Variants in PDZD2 observed in about 807,000 individuals in gnomAD.
PDZD2 encodes the protein PDZ domain-containing protein 2.
Under a neutral mutation model 220.7 loss-of-function variants are expected in PDZD2, and 90 were observed. That is an observed-to-expected ratio of 0.41 (90% confidence interval 0.34 to 0.49). The LOEUF is 0.49. Among genes scored for constraint, PDZD2 ranks in the 20% least tolerant of loss-of-function variants. The pLI, the probability that PDZD2 is intolerant of heterozygous loss-of-function variation, is 0.28. For missense variants in PDZD2, 3,174 were observed against 3,608.5 expected (o/e 0.88, Z 3.08); for synonymous variants, 1,375 against 1,450.5 (o/e 0.95, Z 1.18).
rs1054590522 is a variant in PDZD2, at chr5:31,943,630, G to T, written c.477-39525G>T. 3.9e-5 allele frequency among the ~76,000 whole-genome samples: 6 copies of T among 152,300 alleles called. No individual in the cohort carries two copies. The South Asian group carries it at 1.0e-3, about 26-fold the overall frequency. On this transcript the variant is annotated intron_variant, in intron 2 of 24. Transcript: ENST00000438447. The stretch of plus-strand genomic sequence containing the variant: ...ATTAAACACTTGCGTGCTTAGCTAC[G>T]TAGAAGCCACAAGACACAAAGAAGC...
intron 7 of PDZD2, among the ~76,000 whole-genome samples, chr5:32,038,945 T>C (rs1755780489): frequency 6.6e-6 from 1 of 152,268 alleles, no homozygotes; most frequent in African/African-American, 2.4e-5. Context: ...TAGCACAATG[T>C]GTAGTACGTT....
chr5:31,822,751 C>T, intron 2 of PDZD2: 1 of 1,134,790 alleles, frequency 8.8e-7, no homozygotes, highest in Non-Finnish European at 1.3e-6. Context: ...AACACCTGGC[C>T]TCATCCAAAT....
chr5:31,911,844 G>A (rs1383678849), intron 2 of PDZD2, among the ~76,000 whole-genome samples: 1 of 152,166 alleles, frequency 6.6e-6, no homozygotes, highest in Non-Finnish European at 1.5e-5. Context: ...CAGAAGGCCT[G>A]GATCACAATG....
chr5:31,741,762 C>G (rs1293769841), intron 1 of PDZD2: 3 of 152,254 alleles, frequency 2.0e-5, no homozygotes, highest in Non-Finnish European at 2.9e-5. Flanking sequence ...CTCCCCAACC[C>G]CCCCGTGCAT....
At chr5:32,018,539 T>C (rs758783916) in intron 6 of PDZD2, among the ~76,000 whole-genome samples, 1 of 152,228 alleles carries the variant, frequency 6.6e-6, no homozygotes, top group Non-Finnish European at 1.5e-5. Context: ...ATTGTTCTCA[T>C]TGCCTTCCCA....
chr5:32,042,976 C>G (rs1737567550), intron 7 of PDZD2, among the ~76,000 whole-genome samples: 1 of 152,182 alleles, frequency 6.6e-6, no homozygotes, highest in Non-Finnish European at 1.5e-5. Context: ...CAGAGAAGTT[C>G]AGAGAATCCC....
chr5:31,788,432 A>G (rs1412143804), intron 1 of PDZD2, among the ~76,000 whole-genome samples: 2 of 152,128 alleles, frequency 1.3e-5, no homozygotes, highest in African/African-American at 4.8e-5. Context: ...TTGGGAGGCC[A>G]AGGCGGGCGG....
chr5:32,082,009 C>T (rs531589171), intron 19 of PDZD2, among the ~76,000 whole-genome samples: 11 of 149,610 alleles, frequency 7.4e-5, no homozygotes, highest in East Asian at 2.0e-4. Context: ...TGAGCCACCG[C>T]GCCTGGCATA....
At chr5:31,691,315 G>T (rs891374623) in intron 1 of PDZD2, among the ~76,000 whole-genome samples, 1 of 152,052 alleles carries the variant, frequency 6.6e-6, no homozygotes, top group East Asian at 1.9e-4. Context: ...AGACCTTCGC[G>T]GTGAGTGTTA....
At chr5:31,910,329 C>T (rs926209158) in intron 2 of PDZD2, among the ~76,000 whole-genome samples, 1 of 149,652 alleles carries the variant, frequency 6.7e-6, no homozygotes, top group Non-Finnish European at 1.5e-5. Context: ...AAGCGATTCT[C>T]ATGACTCAGC....
chr5:31,728,945 C>T (rs1749340622), intron 1 of PDZD2, among the ~76,000 whole-genome samples: 3 of 152,158 alleles, frequency 2.0e-5, no homozygotes. Context: ...ACCTGTGCCT[C>T]CTGGGTTCAG....
intron 2 of PDZD2, among the ~76,000 whole-genome samples, chr5:31,894,126 T>A (rs1315144022): frequency 6.9e-6 from 1 of 145,820 alleles, no homozygotes; most frequent in Non-Finnish European, 1.5e-5. Flanking sequence ...TTGGCTAGGC[T>A]GGTCTTGAAC....
intron 2 of PDZD2, among the ~76,000 whole-genome samples, chr5:31,931,672 G>A (rs914667450): frequency 1.3e-5 from 2 of 152,194 alleles, no homozygotes; most frequent in East Asian, 3.9e-4. Context: ...GGCCCACCCT[G>A]GCCTGGCAGG....
chr5:31,759,918 T>C (rs888257735), intron 1 of PDZD2, among the ~76,000 whole-genome samples: 1 of 152,168 alleles, frequency 6.6e-6, no homozygotes, highest in Non-Finnish European at 1.5e-5. Flanking sequence ...TGCCTTCAGA[T>C]AAAAGATCAT....
intron 1 of PDZD2, among the ~76,000 whole-genome samples, chr5:31,752,734 T>C (rs1751082724): frequency 6.6e-6 from 1 of 152,166 alleles, no homozygotes; most frequent in African/African-American, 2.4e-5. Context: ...TTTCTCTTGA[T>C]TTTCTTATTT....
intron 2 of PDZD2, among the ~76,000 whole-genome samples, chr5:31,916,265 T>C (rs7709630): frequency 0.14 from 21,340 of 152,228 alleles, 1,655 homozygotes; most frequent in Non-Finnish European, 0.17. Context: ...AGCAGGCTCA[T>C]CTCCCTCGGT....
At chr5:31,955,741 C>T (rs1195393540) in intron 2 of PDZD2, among the ~76,000 whole-genome samples, 1 of 131,642 alleles carries the variant, frequency 7.6e-6, no homozygotes, top group East Asian at 2.2e-4. Context: ...AGGTTATTTG[C>T]AGTCTTAATT....
intron 6 of PDZD2, among the ~76,000 whole-genome samples, chr5:32,013,060 AT>A (rs1429733955): frequency 4.6e-5 from 7 of 151,880 alleles, no homozygotes; most frequent in Admixed American, 3.9e-4. Flanking sequence ...TGGCTTTCTA[AT>A]TTTTTTTCTT....
Position 32,059,341 on chromosome 5 carries a change from T to G in PDZD2, c.2303T>G (p.Met768Arg). 6.3e-7 allele frequency: 1 copy of G among 1,594,646 alleles called. No individual in the cohort carries two copies. Among genetic ancestry groups the G allele is most frequent in the Non-Finnish European group, 8.6e-7 (1 of 1,162,256 alleles). The stretch of plus-strand genomic sequence containing the variant: ...CTTGCTCCAGGATCAGTGGCCAAGA[T>G]GGAGAGCAACCTGAGGTTTGTTGTT... Reference protein sequence around the residue: ...HSLAPGSVAKMESNLSRGDQI... With the variant: ...HSLAPGSVAKRESNLSRGDQI... Residue 768 changes from methionine (M) to arginine (R), a missense_variant, in exon 13 of 25, where the codon ATG becomes AGG. Around this residue, in one of 4 missense-constraint regions of PDZD2, gnomAD observed 1,861 missense variants for 2,001.0 expected, o/e 0.93. Transcript: ENST00000438447.
Sources: allele counts gnomAD v4.1 joint callset (sites outside exome capture counted in the v4.1 genomes callset), GRCh38; gene constraint gnomAD v4.1.1; regional missense constraint gnomAD v4.1.1; transcripts MANE v1.5; gene names NCBI Gene and HGNC (gene_info 2026-07-23, HGNC 2026-07-21).